The following RALGPS2 variants were observed in gnomAD, a reference collection of about 807,000 sequenced individuals.
RALGPS2 encodes the protein Ral GEF with PH domain and SH3 binding motif 2, also known as ras-specific guanine nucleotide-releasing factor RalGPS2.
RALGPS2 carries 43 observed loss-of-function variants against 86.8 expected under a neutral mutation model. The ratio of observed to expected loss-of-function variants is 0.50; its 90% confidence interval spans 0.39 to 0.64. The LOEUF is 0.64. Among genes scored for constraint, RALGPS2 ranks in the 30% least tolerant of loss-of-function variants. RALGPS2 has a pLI of 0.00. For synonymous variants in RALGPS2, 243 were observed against 231.3 expected (o/e 1.05, Z -0.46); for missense variants, 536 against 694.6 (o/e 0.77, Z 2.57).
chr1:178,893,806 C>T (rs1323401734), intron 15 of RALGPS2, 113 bp from the exon 16 acceptor site: 6 of 692,674 alleles, frequency 8.7e-6, no homozygotes, highest in Non-Finnish European at 1.4e-5. Flanking sequence ...CTTCTCAGCT[C>T]TGAATAAAGT....
Position 178,832,778 on chromosome 1 carries a change from T to G in RALGPS2, c.481-646T>G, listed in dbSNP as rs139062498. ...GAACACCATTGTGGGTGACTGACTT[T>G]GCTTTTTTTTTTTTCAACTCCCCTT... On this transcript the variant is annotated intron_variant, in intron 7 of 19. Transcript: ENST00000367635. 7.2e-3 allele frequency among the ~76,000 whole-genome samples: 1,093 copies of G among 151,800 alleles called. 14 individuals carry two copies. Among genetic ancestry groups the G allele is most frequent in the African/African-American group, 0.023 (938 of 41,468 alleles).
chr1:178,788,823 C>CTTTTG (rs1229146450), intron 4 of RALGPS2, among the ~76,000 whole-genome samples: 1 of 128,378 alleles, frequency 7.8e-6, no homozygotes, highest in African/African-American at 2.9e-5. Context: ...CTTTTCTTTT[C>CTTTTG]TTTTGTTTTC....
chr1:178,913,484 TC>T lies in RALGPS2; in HGVS notation c.1723-2845del, dbSNP rs201151702. On this transcript the variant is annotated intron_variant, in intron 19 of 19. Coordinates refer to ENST00000367635, the MANE Select transcript of RALGPS2 (RefSeq NM_152663.5). ...ATTCAGATTCTAAATCCAAAGTCTGTCATTTCAGTCTGGTTAAGAACCATTG... is the reference window on the plus strand; with the variant it reads ...ATTCAGATTCTAAATCCAAAGTCTGTATTTCAGTCTGGTTAAGAACCATTG... Among the ~76,000 whole-genome samples the T allele has an allele frequency of 1.5e-3, 221 of 152,284 alleles. 8 individuals carry two copies. The East Asian group carries it at 0.039, about 27-fold the overall frequency.
chr1:178,903,997 A>G (rs1660287721), intron 18 of RALGPS2, among the ~76,000 whole-genome samples: 4 of 152,122 alleles, frequency 2.6e-5, no homozygotes, highest in Admixed American at 2.6e-4. Context: ...TGTTTACCAC[A>G]TCCATGCCAA....
rs1379925022 is a variant in RALGPS2, at chr1:178,916,900, T to C, written c.*541T>C. On this transcript the variant is annotated 3_prime_UTR_variant, in exon 20 of 20. Coordinates refer to ENST00000367635, the MANE Select transcript of RALGPS2 (RefSeq NM_152663.5). ...TCCCTCTAGTAGTCTGCAACCTCAC[T>C]GGCTTTCTCACAGCAAGAGTGTAGG... 6.6e-6 allele frequency: 1 copy of C among 152,344 alleles called. No homozygotes were observed. Among genetic ancestry groups the C allele is most frequent in the Non-Finnish European group, 1.5e-5 (1 of 68,148 alleles). 9.4% of individuals were successfully genotyped at this position (152,344 alleles called of 1,614,324 possible).
chr1:178,731,744 G>A (rs1251169816), intron 1 of RALGPS2, among the ~76,000 whole-genome samples: 1 of 152,068 alleles, frequency 6.6e-6, no homozygotes, highest in African/African-American at 2.4e-5. Flanking sequence ...CTTCTACACT[G>A]AATTTAGTGG....
intron 1 of RALGPS2, among the ~76,000 whole-genome samples, chr1:178,741,926 A>G (rs1354192736): frequency 1.3e-5 from 2 of 151,978 alleles, no homozygotes; most frequent in African/African-American, 2.4e-5. Flanking sequence ...TCATGAGGTC[A>G]GGAGATCGAG....
intron 8 of RALGPS2, chr1:178,865,375 A>G (rs2102336434): frequency 6.8e-6 from 11 of 1,614,106 alleles, no homozygotes; most frequent in Non-Finnish European, 8.5e-6. Flanking sequence ...ATAATTGCAT[A>G]TAGAGTTGAG....
intron 8 of RALGPS2, among the ~76,000 whole-genome samples, chr1:178,862,882 G>T (rs1018347520): frequency 1.3e-5 from 2 of 152,136 alleles, no homozygotes; most frequent in Non-Finnish European, 2.9e-5. Context: ...AGATGAATCT[G>T]CTGGCAATGT....
chr1:178,818,013 C>T (rs1277417907), intron 6 of RALGPS2, among the ~76,000 whole-genome samples: 1 of 152,180 alleles, frequency 6.6e-6, no homozygotes, highest in Non-Finnish European at 1.5e-5. Context: ...AGTAAATACT[C>T]TCTTCTCCCA....
chr1:178,902,959 T>TA (rs1660238248), intron 18 of RALGPS2, among the ~76,000 whole-genome samples: 1 of 152,116 alleles, frequency 6.6e-6, no homozygotes, highest in Non-Finnish European at 1.5e-5. Flanking sequence ...ATAAAGTAGA[T>TA]ATGAGAAATT....
intron 17 of RALGPS2, among the ~76,000 whole-genome samples, chr1:178,899,664 T>TTG (rs1660088395): frequency 6.6e-6 from 1 of 150,666 alleles, no homozygotes; most frequent in African/African-American, 2.5e-5. Flanking sequence ...TTTTTTTTTT[T>TTG]GCCAAAATAT....
intron 1 of RALGPS2, among the ~76,000 whole-genome samples, chr1:178,766,925 T>C (rs552316922): frequency 6.6e-6 from 1 of 152,328 alleles, no homozygotes; most frequent in African/African-American, 2.4e-5. Context: ...TTTATTGTTT[T>C]TTTGTTTTTG....
intron 7 of RALGPS2, among the ~76,000 whole-genome samples, chr1:178,832,780 C>CT (rs961949623): frequency 4.8e-4 from 68 of 140,368 alleles, no homozygotes; most frequent in Admixed American, 6.5e-4. Flanking sequence ...ACTGACTTTG[C>CT]TTTTTTTTTT....
At chr1:178,734,319 A>G (rs1337968568) in intron 1 of RALGPS2, among the ~76,000 whole-genome samples, 1 of 152,226 alleles carries the variant, frequency 6.6e-6, no homozygotes, top group African/African-American at 2.4e-5. Flanking sequence ...AATTTAACGT[A>G]GCATTACCAT....
intron 8 of RALGPS2, among the ~76,000 whole-genome samples, chr1:178,846,005 G>A (rs766592861): frequency 5.9e-5 from 9 of 152,060 alleles, no homozygotes; most frequent in Non-Finnish European, 8.8e-5. Flanking sequence ...GTTTTCAGTC[G>A]TTTTTGCATA....
chr1:178,871,801 C>G (rs1385931284), intron 8 of RALGPS2, among the ~76,000 whole-genome samples: 1 of 152,150 alleles, frequency 6.6e-6, no homozygotes, highest in African/African-American at 2.4e-5. Context: ...TAACCCTGAA[C>G]TGAGTAAAAA....
At chr1:178,813,556 ATCAG>A (rs1293986289) in intron 6 of RALGPS2, among the ~76,000 whole-genome samples, 42 of 152,280 alleles carry the variant, frequency 2.8e-4, no homozygotes, top group Non-Finnish European at 2.8e-4. Flanking sequence ...GAGTATTGTT[ATCAG>A]TCAGCATTCT....
At chr1:178,865,104 TAGGAATA>T (rs765969288) in intron 8 of RALGPS2, 1 of 1,568,272 alleles carries the variant, frequency 6.4e-7, no homozygotes. Context: ...TGTTGGCTGT[TAGGAATA>T]TGTTGTGGCA....
Sources: gnomAD v4.1 joint callset for allele counts (sites outside exome capture counted in the v4.1 genomes callset) on GRCh38, gnomAD v4.1.1 for gene constraint, MANE v1.5 for transcripts, NCBI Gene and HGNC (gene_info 2026-07-23, HGNC 2026-07-21) for gene names.